Variants in ATP6V1A observed in about 807,000 individuals in gnomAD.
ATP6V1A encodes ATPase H+ transporting V1 subunit A.
Under a neutral mutation model 70.1 loss-of-function variants are expected in ATP6V1A, and 18 were observed. The observed-to-expected ratio is 0.26, with a 90% CI of 0.18 to 0.38. The LOEUF (loss-of-function observed/expected upper bound fraction) is 0.38, where lower values mean the gene tolerates loss of function less well. Ranked by LOEUF, ATP6V1A falls within the 10% of genes least tolerant of loss-of-function variation. ATP6V1A has a pLI of 1.00. For synonymous variants in ATP6V1A, 232 were observed against 253.8 expected (o/e 0.91, Z 0.82); for missense variants, 424 against 772.4 (o/e 0.55, Z 5.35).
At chr3:113,800,447 T>C (rs1251373502) in intron 12 of ATP6V1A, among the ~76,000 whole-genome samples, 1 of 152,100 alleles carries the variant, frequency 6.6e-6, no homozygotes, top group Admixed American at 6.6e-5. Flanking sequence ...TGGAGCAGAA[T>C]AGAGATAGAC....
At chr3:113,766,983 C>T (rs775444585) in intron 1 of ATP6V1A, among the ~76,000 whole-genome samples, 1 of 151,698 alleles carries the variant, frequency 6.6e-6, no homozygotes, top group Non-Finnish European at 1.5e-5. Context: ...CAAATAATAC[C>T]TATTTCATAG....
chr3:113,769,558 C>T (rs1380699826), intron 1 of ATP6V1A, among the ~76,000 whole-genome samples: 1 of 152,128 alleles, frequency 6.6e-6, no homozygotes, highest in East Asian at 1.9e-4. Context: ...CTCCCCTTTG[C>T]CCCCAACAGC....
intron 10 of ATP6V1A, 64 bp from the exon 11 acceptor site, chr3:113,795,812 T>C: frequency 7.9e-6 from 10 of 1,270,294 alleles, no homozygotes; most frequent in Non-Finnish European, 1.0e-5. Flanking sequence ...ATATATATGT[T>C]ATTTTTCATA....
chr3:113,798,225 T>C lies in ATP6V1A; in HGVS notation c.1291-18T>C. On this transcript the variant is annotated intron_variant, in intron 11 of 14. Transcript: ENST00000273398. ...TGAGAAAAATTACTGTTTTTGTGTGTGTGTTTTTTTTAATCAGGTGTTCTG... is the reference window on the plus strand; with the variant it reads ...TGAGAAAAATTACTGTTTTTGTGTGCGTGTTTTTTTTAATCAGGTGTTCTG... The C allele has an allele frequency of 6.2e-7, 1 of 1,610,926 alleles. No homozygotes were observed. The highest frequency in any genetic ancestry group is 1.1e-5 in the South Asian group (1 of 90,976).
chr3:113,810,216 A>G lies in ATP6V1A; in HGVS notation c.*789A>G, dbSNP rs897344414. 6.6e-6 allele frequency: 1 copy of G among 151,588 alleles called. No homozygotes were observed. The highest frequency in any genetic ancestry group is 2.4e-5 in the African/African-American group (1 of 41,230). 9.4% of individuals were successfully genotyped at this position (151,588 alleles called of 1,614,324 possible). A position where few individuals can be genotyped will look rare whatever the true frequency, so the allele number is the denominator to read the frequency against. ...CTCCACCATGCCCAGCTAATTTTGT[A>G]TTTTTAGTAGAAACGGGGTTTCACC... On this transcript the variant is annotated 3_prime_UTR_variant, in exon 15 of 15. Transcript: ENST00000273398.
intron 12 of ATP6V1A, among the ~76,000 whole-genome samples, chr3:113,802,250 A>C (rs1709221365): frequency 1.6e-5 from 1 of 61,684 alleles, no homozygotes; most frequent in East Asian, 5.1e-4. Context: ...TTTATGAAAC[A>C]AGACTGAGAA....
intron 1 of ATP6V1A, among the ~76,000 whole-genome samples, chr3:113,775,067 T>C (rs887957686): frequency 6.6e-6 from 1 of 152,032 alleles, no homozygotes; most frequent in South Asian, 2.1e-4. Flanking sequence ...GCTATAGTAA[T>C]TGGAAAAAAT....
intron 11 of ATP6V1A, 76 bp downstream of exon 11, chr3:113,796,015 A>C: frequency 8.0e-7 from 1 of 1,255,540 alleles, no homozygotes; most frequent in Non-Finnish European, 1.1e-6. Context: ...AATGCGATCT[A>C]ATGTAATCGT....
intron 6 of ATP6V1A, among the ~76,000 whole-genome samples, chr3:113,788,327 A>G (rs902236871): frequency 6.7e-6 from 1 of 148,978 alleles, no homozygotes; most frequent in Non-Finnish European, 1.5e-5. Flanking sequence ...CTTTATTTTT[A>G]TTTTTATTTA....
At chr3:113,765,881 C>T (rs1708764544) in intron 1 of ATP6V1A, among the ~76,000 whole-genome samples, 2 of 150,184 alleles carry the variant, frequency 1.3e-5, no homozygotes, top group South Asian at 2.1e-4. Context: ...GAGCCGAGAT[C>T]GCACCACTGC....
Position 113,809,616 on chromosome 3 carries a change from T to C in ATP6V1A, c.*189T>C, listed in dbSNP as rs1274035327. The C allele has an allele frequency of 4.1e-6, 2 of 488,956 alleles. No individual in the cohort carries two copies. Among genetic ancestry groups the C allele is most frequent in the Admixed American group, 3.3e-5 (1 of 30,062 alleles). 30.3% of individuals were successfully genotyped at this position (488,956 alleles called of 1,614,324 possible). ...TAAAACAAACATTCCTTTGTTCTAG[T>C]GTTGTGAAGGGCCTCCCTCTTCCTT... On this transcript the variant is annotated 3_prime_UTR_variant, in exon 15 of 15. Coordinates refer to ENST00000273398, the MANE Select transcript of ATP6V1A (RefSeq NM_001690.4).
chr3:113,777,350 A>G (rs900010004), intron 1 of ATP6V1A, among the ~76,000 whole-genome samples: 1 of 152,254 alleles, frequency 6.6e-6, no homozygotes, highest in Admixed American at 6.5e-5. Context: ...AAAATATATC[A>G]TTTGTTACAT....
At chr3:113,775,381 C>G (rs1006435652) in intron 1 of ATP6V1A, among the ~76,000 whole-genome samples, 2 of 151,950 alleles carry the variant, frequency 1.3e-5, no homozygotes, top group Non-Finnish European at 2.9e-5. Context: ...AGGCGCCCAC[C>G]ACCACACCCA....
At chr3:113,804,040 C>T (rs1039883826) in intron 13 of ATP6V1A, among the ~76,000 whole-genome samples, 2 of 152,166 alleles carry the variant, frequency 1.3e-5, no homozygotes, top group African/African-American at 2.4e-5. Flanking sequence ...CTCTGTCACC[C>T]GAGCTAGAGT....
intron 1 of ATP6V1A, among the ~76,000 whole-genome samples, chr3:113,755,877 G>C (rs763405016): frequency 2.0e-5 from 3 of 151,806 alleles, no homozygotes; most frequent in Non-Finnish European, 2.9e-5. Flanking sequence ...TACATTTTTC[G>C]CTTGAGTATT....
intron 1 of ATP6V1A, among the ~76,000 whole-genome samples, chr3:113,752,479 C>G (rs1239541271): frequency 6.6e-6 from 1 of 151,842 alleles, no homozygotes; most frequent in African/African-American, 2.4e-5. Context: ...TATTTGAATT[C>G]ATAATGTCAG....
chr3:113,776,228 G>A (rs538320034), intron 1 of ATP6V1A, among the ~76,000 whole-genome samples: 6 of 151,934 alleles, frequency 3.9e-5, no homozygotes, highest in African/African-American at 9.7e-5. Context: ...ATGTGGTGTC[G>A]TGTGCTTGTC....
intron 1 of ATP6V1A, among the ~76,000 whole-genome samples, chr3:113,748,273 A>G (rs1228451927): frequency 6.6e-6 from 1 of 152,198 alleles, no homozygotes; most frequent in African/African-American, 2.4e-5. Context: ...ATTATTACCA[A>G]TGTTTTGATC....
At chr3:113,762,549 CAA>C (rs1311396322) in intron 1 of ATP6V1A, among the ~76,000 whole-genome samples, 1 of 151,308 alleles carries the variant, frequency 6.6e-6, no homozygotes, top group Non-Finnish European at 1.5e-5. Context: ...TCCTAGGCAA[CAA>C]GAGCAAAACT....
Sources: allele counts gnomAD v4.1 joint callset (sites outside exome capture counted in the v4.1 genomes callset), GRCh38; gene constraint gnomAD v4.1.1; transcripts MANE v1.5; gene names NCBI Gene and HGNC (gene_info 2026-07-23, HGNC 2026-07-21).